The following TNFSF4 variants were observed in gnomAD, a reference collection of about 807,000 sequenced individuals.
TNFSF4 encodes tumor necrosis factor ligand superfamily member 4.
A neutral mutation model predicts 7.3 loss-of-function variants in TNFSF4; 4 were observed. That is an observed-to-expected ratio of 0.55 (90% CI 0.27 to 1.25). The LOEUF is 1.25. Among genes scored for constraint, TNFSF4 ranks in the 50% most tolerant of loss-of-function variants. TNFSF4 has a pLI of 0.12. For synonymous variants in TNFSF4, 76 were observed against 83.7 expected (o/e 0.91, Z 0.50); for missense variants, 181 against 208.8 (o/e 0.87, Z 0.82).
the TNFSF4 span, among the ~76,000 whole-genome samples, chr1:173,278,244 C>A: frequency 6.6e-6 from 1 of 152,040 alleles, no homozygotes; most frequent in South Asian, 2.1e-4. Context: ...TATTACATGG[C>A]CAGCACTTTG....
chr1:173,215,157 C>T, the TNFSF4 span, among the ~76,000 whole-genome samples: 1 of 152,112 alleles, frequency 6.6e-6, no homozygotes, highest in Non-Finnish European at 1.5e-5. Context: ...TCTCTCTCTC[C>T]ACCAAGTGAG....
intron 1 of TNFSF4, among the ~76,000 whole-genome samples, chr1:173,198,988 G>C (rs1347184601): frequency 1.3e-5 from 2 of 152,100 alleles, no homozygotes; most frequent in African/African-American, 4.8e-5. Context: ...AGTACCTAAT[G>C]CAAAAAACAA....
the TNFSF4 span, among the ~76,000 whole-genome samples, chr1:173,410,139 C>T: frequency 6.6e-6 from 1 of 152,074 alleles, no homozygotes. Flanking sequence ...TCACCTGAGC[C>T]TTGGAGGTTG....
At chr1:173,417,473 T>C in the TNFSF4 span, among the ~76,000 whole-genome samples, 1 of 151,988 alleles carries the variant, frequency 6.6e-6, no homozygotes, top group African/African-American at 2.4e-5. Context: ...GAGATCAATT[T>C]TGTTTAGGAA....
At chr1:173,258,312 T>C in the TNFSF4 span, among the ~76,000 whole-genome samples, 1 of 151,480 alleles carries the variant, frequency 6.6e-6, no homozygotes, top group African/African-American at 2.4e-5. Context: ...ACTAGGTGGT[T>C]AGCACGACCT....
At chr1:173,405,437 C>T in the TNFSF4 span, among the ~76,000 whole-genome samples, 1 of 152,310 alleles carries the variant, frequency 6.6e-6, no homozygotes, top group East Asian at 1.9e-4. Flanking sequence ...AGGCAGCAGG[C>T]TGGAATTGGC....
At chr1:173,374,864 G>T in the TNFSF4 span, among the ~76,000 whole-genome samples, 2 of 152,138 alleles carry the variant, frequency 1.3e-5, no homozygotes, top group African/African-American at 4.8e-5. Context: ...ATAGGGTTAG[G>T]AATAACCACT....
At chr1:173,369,816 G>A in the TNFSF4 span, among the ~76,000 whole-genome samples, 1 of 152,140 alleles carries the variant, frequency 6.6e-6, no homozygotes, top group Non-Finnish European at 1.5e-5. Flanking sequence ...GGAAAATGGA[G>A]TGAAATACTT....
the TNFSF4 span, among the ~76,000 whole-genome samples, chr1:173,349,257 C>T: frequency 2.0e-5 from 3 of 151,894 alleles, no homozygotes; most frequent in Non-Finnish European, 4.4e-5. Flanking sequence ...CTCGATCTCC[C>T]GACCTCATGA....
chr1:173,308,136 A>G, the TNFSF4 span, among the ~76,000 whole-genome samples: 2 of 151,892 alleles, frequency 1.3e-5, no homozygotes, highest in Non-Finnish European at 2.9e-5. Context: ...ATGTGTTGCA[A>G]ATATCTTCTA....
the TNFSF4 span, among the ~76,000 whole-genome samples, chr1:173,347,785 A>G: frequency 6.6e-6 from 1 of 152,174 alleles, no homozygotes; most frequent in African/African-American, 2.4e-5. Context: ...CCTCAGCAAC[A>G]TTGACATTTG....
the TNFSF4 span, among the ~76,000 whole-genome samples, chr1:173,349,323 C>T: frequency 6.6e-6 from 1 of 152,162 alleles, no homozygotes; most frequent in Non-Finnish European, 1.5e-5. Flanking sequence ...CCACCACGCC[C>T]GGCCCCCTTG....
chr1:173,198,199 A>G (rs985321642), intron 1 of TNFSF4, among the ~76,000 whole-genome samples: 1 of 152,212 alleles, frequency 6.6e-6, no homozygotes, highest in Non-Finnish European at 1.5e-5. Context: ...AAGACATTGC[A>G]CTGGGACTAG....
chr1:173,260,416 T>C, the TNFSF4 span, among the ~76,000 whole-genome samples: 32,386 of 152,034 alleles, frequency 0.21, 3,776 homozygotes, highest in Admixed American at 0.32. Flanking sequence ...AATGACACTA[T>C]GAAAAAACTA....
intron 1 of TNFSF4, among the ~76,000 whole-genome samples, chr1:173,188,931 G>T (rs982394799): frequency 6.6e-6 from 1 of 152,034 alleles, no homozygotes; most frequent in Non-Finnish European, 1.5e-5. Flanking sequence ...CTGCCATATT[G>T]CCCAGGCTGG....
At chr1:173,321,188 A>G in the TNFSF4 span, among the ~76,000 whole-genome samples, 1 of 152,220 alleles carries the variant, frequency 6.6e-6, no homozygotes, top group Non-Finnish European at 1.5e-5. Context: ...ATCTACAAAC[A>G]TCTGATCTTT....
the TNFSF4 span, among the ~76,000 whole-genome samples, chr1:173,323,551 G>A: frequency 6.6e-6 from 1 of 152,142 alleles, no homozygotes; most frequent in African/African-American, 2.4e-5. Flanking sequence ...GGCTTCAGAA[G>A]ATCAAACTAC....
the TNFSF4 span, among the ~76,000 whole-genome samples, chr1:173,391,310 G>GTCTCTCTCTCTC: frequency 0.011 from 1,437 of 132,350 alleles, 25 homozygotes; most frequent in South Asian, 0.018. Context: ...CTTTCTTTCT[G>GTCTCTCTCTCTC]TCTCTCTCTC....
At chr1:173,228,521 C>T in the TNFSF4 span, among the ~76,000 whole-genome samples, 70 of 152,200 alleles carry the variant, frequency 4.6e-4, 1 homozygote, top group South Asian at 0.014. Context: ...ATCAGAGCGC[C>T]TCTCCCCCCT....
Sources: allele counts gnomAD v4.1 joint callset (sites outside exome capture counted in the v4.1 genomes callset), GRCh38; gene constraint gnomAD v4.1.1; transcripts MANE v1.5; gene names NCBI Gene and HGNC (gene_info 2026-07-23, HGNC 2026-07-21).